C2: variants seen among roughly 807,000 people sequenced by gnomAD.
C2 encodes complement C2, also known as C3/C5 convertase.
In C2, 64 loss-of-function variants were observed where a neutral mutation model predicts 85.2. The observed-to-expected ratio is 0.75, with a 90% confidence interval of 0.61 to 0.92. The LOEUF (loss-of-function observed/expected upper bound fraction) is 0.92. C2 is among the 40% of genes least tolerant of loss of function. The probability of loss-of-function intolerance (pLI) is 0.00; values close to 1 mark genes in which losing one functional copy is unlikely to be tolerated. For missense variants in C2, 820 were observed against 971.6 expected (o/e 0.84, Z 2.07); for synonymous variants, 311 against 370.8 (o/e 0.84, Z 1.85).
At chr6:31,902,561 T>C (rs1767432189) in intron 1 of C2, among the ~76,000 whole-genome samples, 1 of 152,236 alleles carries the variant, frequency 6.6e-6, no homozygotes, top group South Asian at 2.1e-4. Flanking sequence ...TGGTAGCTAT[T>C]ACCCACGCCT....
At chr6:31,934,482 G>T in intron 6 of C2, 183 bp downstream of exon 6, 1 of 1,203,864 alleles carries the variant, frequency 8.3e-7, no homozygotes, top group Non-Finnish European at 1.2e-6. Context: ...TATTCCACAA[G>T]CACTGTTGGG....
At chr6:31,914,737 C>T (rs1332426620) in intron 1 of C2, among the ~76,000 whole-genome samples, 1 of 151,856 alleles carries the variant, frequency 6.6e-6, no homozygotes, top group South Asian at 2.1e-4. Flanking sequence ...ACGGTGAAAC[C>T]CCGTCTCTAC....
At chr6:31,903,253 T>C (rs1417797957) in intron 1 of C2, among the ~76,000 whole-genome samples, 1 of 152,262 alleles carries the variant, frequency 6.6e-6, no homozygotes, top group Admixed American at 6.5e-5. Flanking sequence ...TTTCTTATTA[T>C]GTGTTCAATA....
chr6:31,919,376 C>T (rs1768803418), upstream of C2, among the ~76,000 whole-genome samples: 3 of 152,124 alleles, frequency 2.0e-5, no homozygotes, highest in African/African-American at 7.2e-5. Flanking sequence ...AACTCCTGAC[C>T]TCAGGTGATC....
chr6:31,909,561 G>A (rs1350659961), intron 1 of C2, among the ~76,000 whole-genome samples: 3 of 151,704 alleles, frequency 2.0e-5, no homozygotes, highest in Non-Finnish European at 4.4e-5. Context: ...AAATTGTTGA[G>A]ATTATAGGCG....
At chr6:31,898,484 T>C (rs557178323), upstream of C2, among the ~76,000 whole-genome samples, 51 of 152,248 alleles carry the variant, frequency 3.3e-4, no homozygotes, top group African/African-American at 1.2e-3. Context: ...TGGTCGAGTT[T>C]GGAAAAGATC....
intron 9 of C2, among the ~76,000 whole-genome samples, chr6:31,942,509 T>G (rs921612369): frequency 2.6e-5 from 4 of 151,834 alleles, no homozygotes; most frequent in Non-Finnish European, 5.9e-5. Flanking sequence ...CCCAGGCTGG[T>G]CTCAAACTTC....
chr6:31,918,039 A>G (rs779235518), upstream of C2, among the ~76,000 whole-genome samples: 1 of 152,196 alleles, frequency 6.6e-6, no homozygotes, highest in African/African-American at 2.4e-5. Flanking sequence ...GCACTTTGGG[A>G]GGCCTAGGTT....
At chr6:31,906,728 G>A (rs571220) in intron 1 of C2, among the ~76,000 whole-genome samples, 1 of 151,668 alleles carries the variant, frequency 6.6e-6, no homozygotes, top group Non-Finnish European at 1.5e-5. Flanking sequence ...GCCTGCCTGT[G>A]TCCCTGCAAA....
chr6:31,910,006 G>C (rs1327871750), intron 1 of C2, among the ~76,000 whole-genome samples: 2 of 151,216 alleles, frequency 1.3e-5, no homozygotes, highest in African/African-American at 2.4e-5. Flanking sequence ...TCAGCCTCCT[G>C]AGTAGCTGGG....
At chr6:31,914,167 T>C (rs1297724905) in intron 1 of C2, among the ~76,000 whole-genome samples, 1 of 151,604 alleles carries the variant, frequency 6.6e-6, no homozygotes, top group Non-Finnish European at 1.5e-5. Context: ...TGCCTCGGCC[T>C]CTCAAAGTGC....
At chr6:31,924,466 A>G (rs2151734998), upstream of C2, among the ~76,000 whole-genome samples, 1 of 152,216 alleles carries the variant, frequency 6.6e-6, no homozygotes, top group Middle Eastern at 3.4e-3. Flanking sequence ...TCCACATTCC[A>G]GCTGGTGGGA....
At chr6:31,899,687 C>G (rs1350283504), upstream of C2, 8 of 525,434 alleles carry the variant, frequency 1.5e-5, no homozygotes, top group African/African-American at 3.8e-5. Context: ...AAATCTTTCT[C>G]TGGGACCCCG....
chr6:31,931,931 C>T (rs41285747), intron 3 of C2, among the ~76,000 whole-genome samples: 9,404 of 88,880 alleles, frequency 0.11, 570 homozygotes, highest in Admixed American at 0.14. Context: ...CGCGGCTGGC[C>T]GGGCGGGGGG....
chr6:31,900,075 C>T, upstream of C2: 1 of 1,613,428 alleles, frequency 6.2e-7, no homozygotes, highest in Non-Finnish European at 8.5e-7. The surrounding 1 kb of genome is among the most constrained non-coding windows in gnomAD (Gnocchi z 9.7). Flanking sequence ...GGCCGCGCTC[C>T]CGAGTGCAGG....
Position 31,944,622 on chromosome 6 carries a change from C to T in C2, c.1903-105C>T. 8.0e-7 allele frequency: 1 copy of T among 1,256,440 alleles called. No individual in the cohort carries two copies. Among genetic ancestry groups the T allele is most frequent in the Non-Finnish European group, 1.2e-6 (1 of 857,866 alleles). 77.8% of individuals were successfully genotyped at this position (1,256,440 alleles called of 1,614,324 possible). A position where few individuals can be genotyped will look rare whatever the true frequency, so the allele number is the denominator to read the frequency against. On this transcript the variant is annotated intron_variant, in intron 15 of 17. Coordinates refer to ENST00000299367, the MANE Select transcript of C2 (RefSeq NM_000063.6). The surrounding 1 kb of genome is among the most constrained non-coding windows in gnomAD (Gnocchi z 5.1). ...TCTTGAACTCCTGACCTCAAGTGATCTGCCTGCCTCAACCTCCCAAAGTGC... is the reference window on the plus strand; with the variant it reads ...TCTTGAACTCCTGACCTCAAGTGATTTGCCTGCCTCAACCTCCCAAAGTGC...
intron 1 of C2, among the ~76,000 whole-genome samples, chr6:31,909,876 T>G (rs1767970930): frequency 6.6e-6 from 1 of 151,910 alleles, no homozygotes; most frequent in Non-Finnish European, 1.5e-5. Context: ...TTTTCTGTTT[T>G]TTTTTGTTTT....
upstream of C2, among the ~76,000 whole-genome samples, chr6:31,917,395 T>G (rs1190424880): frequency 6.6e-6 from 1 of 151,856 alleles, no homozygotes; most frequent in African/African-American, 2.4e-5. Context: ...GAAAACCAAA[T>G]GCCTAATGTT....
intron 3 of C2, among the ~76,000 whole-genome samples, 154 bp from the exon 4 acceptor site, chr6:31,933,455 TG>T (rs1164533926): frequency 6.6e-6 from 1 of 152,148 alleles, no homozygotes; most frequent in Admixed American, 6.5e-5. Context: ...GACCATCAGC[TG>T]ACTTCTTCCC....
Sources: allele counts gnomAD v4.1 joint callset (sites outside exome capture counted in the v4.1 genomes callset), GRCh38; gene constraint gnomAD v4.1.1; non-coding constraint Gnocchi (gnomAD v3.1); transcripts MANE v1.5; gene names NCBI Gene and HGNC (gene_info 2026-07-23, HGNC 2026-07-21).